Variants in NR3C1 observed in about 807,000 individuals in gnomAD.
NR3C1 encodes the protein nuclear receptor subfamily 3 group C member 1.
NR3C1 carries 14 observed loss-of-function variants against 74.0 expected under a neutral mutation model. That is an observed-to-expected ratio of 0.19 (90% CI 0.12 to 0.30). The LOEUF (loss-of-function observed/expected upper bound fraction) is 0.30, where lower values mean the gene tolerates loss of function less well. NR3C1 is among the 10% of genes least tolerant of loss of function. NR3C1 has a pLI of 1.00. For missense variants in NR3C1, 695 were observed against 909.8 expected (o/e 0.76, Z 3.04); for synonymous variants, 308 against 332.5 (o/e 0.93, Z 0.80).
Position 143,279,519 on chromosome 5 carries a change from C to T in NR3C1, c.*2370G>A, listed in dbSNP as rs753145816. On this transcript the variant is annotated 3_prime_UTR_variant, in exon 9 of 9. Coordinates refer to ENST00000394464, the MANE Select transcript of NR3C1 (RefSeq NM_000176.3). ...CTTAGGCACCAAAAATTTATCCAGC[C>T]GGGTTACACACCATCTTAAAATATT... The T allele has an allele frequency of 1.7e-5, 18 of 1,076,662 alleles. No individual in the cohort carries two copies. Among genetic ancestry groups the T allele is most frequent in the South Asian group, 4.0e-5 (2 of 49,614 alleles). The allele number at this position is 1,076,662 out of a possible 1,614,324, so 66.7% of individuals were successfully genotyped here.
chr5:143,376,153 C>T (rs1316708168), intron 2 of NR3C1, among the ~76,000 whole-genome samples: 1 of 152,016 alleles, frequency 6.6e-6, no homozygotes. Flanking sequence ...TGGCATACAC[C>T]TTGCATAATC....
rs1818173864 is a variant in NR3C1, at chr5:143,300,031, T to A, written c.1747+454A>T. 6.6e-6 allele frequency among the ~76,000 whole-genome samples: 1 copy of A among 152,360 alleles called. No homozygotes were observed. The highest frequency in any genetic ancestry group is 2.4e-5 in the African/African-American group (1 of 41,582). The stretch of plus-strand genomic sequence containing the variant: ...ATTATCTTTAAAATTACATTCAATG[T>A]GTAGCATTTCATTTAGTGAAGGGTT... On this transcript the variant is annotated intron_variant, in intron 5 of 8. Transcript: ENST00000394464. This position sits in a 1 kb window ranked among gnomAD's most constrained non-coding sequence, Gnocchi z 5.2.
intron 2 of NR3C1, among the ~76,000 whole-genome samples, chr5:143,363,764 A>G (rs755952446): frequency 6.6e-6 from 1 of 152,182 alleles, no homozygotes; most frequent in Non-Finnish European, 1.5e-5. Context: ...AAAATTCTCT[A>G]GAAAAAAATT....
In NR3C1 at chr5:143,279,055, C is replaced by G. The variant is rs972106615; in HGVS notation, c.*2834G>C. 2.0e-5 allele frequency: 7 copies of G among 358,186 alleles called. No homozygotes were observed. The South Asian group carries it at 2.5e-4, about 13-fold the overall frequency. 22.2% of individuals were successfully genotyped at this position (358,186 alleles called of 1,614,324 possible). A position where few individuals can be genotyped will look rare whatever the true frequency, so the allele number is the denominator to read the frequency against. ...TTCAGGATTTGTTGTGAGTAACCAA[C>G]TCTCACTGAAGTTACTACAAACTTC... On this transcript the variant is annotated 3_prime_UTR_variant, in exon 9 of 9. Transcript: ENST00000394464.
intron 7 of NR3C1, among the ~76,000 whole-genome samples, chr5:143,289,202 A>G (rs1457215005): frequency 1.3e-5 from 2 of 152,246 alleles, no homozygotes; most frequent in Non-Finnish European, 2.9e-5. Flanking sequence ...ATGCAACAGT[A>G]ATCAAGACAG....
intron 1 of NR3C1, among the ~76,000 whole-genome samples, chr5:143,417,850 G>C (rs940983954): frequency 2.0e-5 from 3 of 152,180 alleles, no homozygotes; most frequent in African/African-American, 7.2e-5. Context: ...GCCTCTCCCA[G>C]CTTTGAGGTC....
At chr5:143,408,254 C>G (rs187321674), upstream of NR3C1, among the ~76,000 whole-genome samples, 1 of 152,112 alleles carries the variant, frequency 6.6e-6, no homozygotes, top group Non-Finnish European at 1.5e-5. Flanking sequence ...GGAATGTAAC[C>G]TTGGGCAGGC....
intron 7 of NR3C1, among the ~76,000 whole-genome samples, chr5:143,285,690 T>C (rs1814252310): frequency 6.6e-6 from 1 of 152,078 alleles, no homozygotes; most frequent in African/African-American, 2.4e-5. Flanking sequence ...TTAAATAAGG[T>C]ATCATAAAAT....
chr5:143,396,923 A>G (rs969951106), intron 2 of NR3C1, among the ~76,000 whole-genome samples: 5 of 151,996 alleles, frequency 3.3e-5, no homozygotes, highest in South Asian at 2.1e-4. Flanking sequence ...GCCTTCGTCA[A>G]TAAGTTTATG....
chr5:143,298,953 GAC>G lies in NR3C1; in HGVS notation c.1748-143_1748-142del, dbSNP rs1435853565. Reference sequence around the variant, plus strand: ...GAAAATGGAAATTAAATACTAGGTAGACACAGTTTTCTTCTGTCATCTGACAC... The same window carrying G: ...GAAAATGGAAATTAAATACTAGGTAGACAGTTTTCTTCTGTCATCTGACAC... On this transcript the variant is annotated intron_variant, in intron 5 of 8. Coordinates refer to ENST00000394464, the MANE Select transcript of NR3C1 (RefSeq NM_000176.3). 3 of 660,860 alleles carry G rather than the reference GAC, an allele frequency of 4.5e-6. No homozygotes were observed. In the East Asian group the frequency reaches 1.0e-4, roughly 22 times the overall value. 40.9% of individuals were successfully genotyped at this position (660,860 alleles called of 1,614,324 possible). A position where few individuals can be genotyped will look rare whatever the true frequency, so the allele number is the denominator to read the frequency against.
intron 2 of NR3C1, among the ~76,000 whole-genome samples, chr5:143,318,759 T>C (rs947755840): frequency 5.9e-5 from 9 of 152,202 alleles, no homozygotes; most frequent in Non-Finnish European, 1.2e-4. Context: ...TTTAATCTTA[T>C]ACACTTTTCT....
intron 2 of NR3C1, among the ~76,000 whole-genome samples, chr5:143,345,457 G>A (rs924148678): frequency 5.3e-5 from 8 of 152,174 alleles, no homozygotes; most frequent in African/African-American, 1.9e-4. Flanking sequence ...TGACCCGCCT[G>A]CCTTGGCCTC....
Position 143,419,100 on chromosome 5 carries a change from T to C in NR3C1, c.-14+15432A>G, listed in dbSNP as rs1751079650. ...AAATGCTCATTGGAACATTTCAGAT[T>C]TTGGATTTTTGGATTAGGGATGCTC... On this transcript the variant is annotated intron_variant, in intron 1 of 8. Transcript: ENST00000343796. Among the ~76,000 whole-genome samples, 6 of 152,272 alleles carry C rather than the reference T, an allele frequency of 3.9e-5. No individual in the cohort carries two copies. In the South Asian group the frequency reaches 1.0e-3, roughly 26 times the overall value.
At chr5:143,375,683 AG>A (rs1835067292) in intron 2 of NR3C1, 1 of 152,262 alleles carries the variant, frequency 6.6e-6, no homozygotes, top group Admixed American at 6.5e-5. Context: ...AAATATGAAA[AG>A]TAACCAAAAG....
chr5:143,403,283 T>C lies in NR3C1; in HGVS notation c.-86A>G, dbSNP rs1840701341. 3.0e-6 allele frequency: 3 copies of C among 985,258 alleles called. No homozygotes were observed. Among genetic ancestry groups the C allele is most frequent in the Non-Finnish European group, 2.4e-6 (2 of 830,022 alleles). The allele number at this position is 985,258 out of a possible 1,614,324, so 61.0% of individuals were successfully genotyped here. A position where few individuals can be genotyped will look rare whatever the true frequency, so the allele number is the denominator to read the frequency against. On this transcript the variant is annotated 5_prime_UTR_variant, in exon 1 of 9. Transcript: ENST00000394464. ...CAGCCGAGATAAACAACTTAGCTTG[T>C]GAACGCAGAAGGAGCAGGAGGGAAA...
In NR3C1 at chr5:143,307,126, G is replaced by T. The variant is rs1276649344; in HGVS notation, c.1468+2971C>A. Among the ~76,000 whole-genome samples the T allele has an allele frequency of 4.6e-5, 7 of 152,154 alleles. No individual in the cohort carries two copies. The East Asian group carries it at 1.4e-3, about 29-fold the overall frequency. On this transcript the variant is annotated intron_variant, in intron 4 of 8. Transcript: ENST00000394464. ...TTAGCCAGGATAGTCTCGATCTCCT[G>T]ACCTCGTGATCCACCTGCCTAGGCC... is the stretch of plus-strand genomic sequence containing the variant.
At chr5:143,319,088 C>CA (rs571924946) in intron 2 of NR3C1, among the ~76,000 whole-genome samples, 66 of 152,258 alleles carry the variant, frequency 4.3e-4, no homozygotes, top group Admixed American at 8.5e-4. Context: ...CCATGGACCA[C>CA]ACTGGAAGAA....
chr5:143,313,809 T>TTC (rs1821476514), intron 3 of NR3C1, among the ~76,000 whole-genome samples, 193 bp downstream of exon 3: 1 of 152,202 alleles, frequency 6.6e-6, no homozygotes, highest in Non-Finnish European at 1.5e-5. Context: ...CTTTTCTATT[T>TTC]TATTCTAGAT....
intron 7 of NR3C1, among the ~76,000 whole-genome samples, chr5:143,286,053 T>C (rs1195310290): frequency 6.6e-6 from 1 of 151,546 alleles, no homozygotes; most frequent in African/African-American, 2.4e-5. Flanking sequence ...CTGGAGCCAT[T>C]AGAAGGATAT....
Sources: allele counts gnomAD v4.1 joint callset (sites outside exome capture counted in the v4.1 genomes callset), GRCh38; gene constraint gnomAD v4.1.1; non-coding constraint Gnocchi (gnomAD v3.1); transcripts MANE v1.5; gene names NCBI Gene and HGNC (gene_info 2026-07-23, HGNC 2026-07-21).